The following C10orf90 variants were observed in gnomAD, a reference collection of about 807,000 sequenced individuals.
C10orf90 encodes (E2-independent) E3 ubiquitin-conjugating enzyme FATS.
In C10orf90, 56 loss-of-function variants were observed where a neutral mutation model predicts 62.5. The ratio of observed to expected loss-of-function variants is 0.90; its 90% confidence interval spans 0.72 to 1.12. C10orf90 has a LOEUF of 1.12. C10orf90 is among the 50% of genes most tolerant of loss of function. The pLI, the probability that C10orf90 is intolerant of heterozygous loss-of-function variation, is 0.00. For synonymous variants in C10orf90, 386 were observed against 340.4 expected, an observed-to-expected ratio of 1.13 and a Z score of -1.47; for missense variants, 970 against 880.4, an observed-to-expected ratio of 1.10 and a Z score of -1.29.
chr10:126,574,252 A>G (rs1268038551), intron 2 of C10orf90, among the ~76,000 whole-genome samples: 1 of 152,234 alleles, frequency 6.6e-6, no homozygotes, highest in Non-Finnish European at 1.5e-5. Flanking sequence ...GCAGAAATAT[A>G]TTGAGCACTC....
intron 2 of C10orf90, among the ~76,000 whole-genome samples, chr10:126,556,805 A>G (rs1408299574): frequency 6.6e-6 from 1 of 152,038 alleles, no homozygotes; most frequent in African/African-American, 2.4e-5. Flanking sequence ...GAGTTCCTGT[A>G]GACATCATGA....
intron 6 of C10orf90, 22 bp downstream of exon 6, chr10:126,461,379 C>G: frequency 6.2e-7 from 1 of 1,610,786 alleles, no homozygotes; most frequent in Non-Finnish European, 8.5e-7. Flanking sequence ...GGAATCAAGC[C>G]AGGACACACA....
intron 2 of C10orf90, among the ~76,000 whole-genome samples, chr10:126,536,324 C>T (rs1864235999): frequency 6.6e-6 from 1 of 152,160 alleles, no homozygotes; most frequent in African/African-American, 2.4e-5. Flanking sequence ...GATGACTCTC[C>T]CCACACTGCT....
intron 2 of C10orf90, among the ~76,000 whole-genome samples, chr10:126,619,682 G>A (rs1424472280): frequency 6.6e-6 from 1 of 151,940 alleles, no homozygotes; most frequent in Non-Finnish European, 1.5e-5. Flanking sequence ...CTCTGTCACC[G>A]AGTTTGGAGC....
chr10:126,428,771 G>C (rs1857403321), intron 8 of C10orf90, among the ~76,000 whole-genome samples: 1 of 152,190 alleles, frequency 6.6e-6, no homozygotes, highest in Non-Finnish European at 1.5e-5. Context: ...GTTCTGGCAT[G>C]AGGTATATGC....
At chr10:126,560,288 T>G (rs1179401987) in intron 2 of C10orf90, among the ~76,000 whole-genome samples, 1 of 152,190 alleles carries the variant, frequency 6.6e-6, no homozygotes, top group African/African-American at 2.4e-5. Context: ...AATTTCAGCA[T>G]TCACTTGCAA....
chr10:126,626,015 G>C lies in C10orf90; in HGVS notation c.313+20550C>G, dbSNP rs180671310. ...ATGGTGGCAGATGCCTGTAATCCCA[G>C]CTACTTGGGAGGCTGAGGCAGGAGA... is the stretch of plus-strand genomic sequence containing the variant. On this transcript the variant is annotated intron_variant, in intron 2 of 9. Transcript: ENST00000488181. Among the ~76,000 whole-genome samples the C allele has an allele frequency of 2.3e-4, 35 of 151,990 alleles. 1 individual carries two copies. Among genetic ancestry groups the C allele is most frequent in the African/African-American group, 8.4e-4 (35 of 41,462 alleles).
intron 2 of C10orf90, among the ~76,000 whole-genome samples, chr10:126,588,817 C>T (rs928756028): frequency 6.6e-6 from 1 of 152,190 alleles, no homozygotes; most frequent in South Asian, 2.1e-4. Flanking sequence ...TTGACTGCAA[C>T]ATCTCTCTAG....
At chr10:126,505,729 C>T (rs544814834) in intron 3 of C10orf90, among the ~76,000 whole-genome samples, 32 of 152,148 alleles carry the variant, frequency 2.1e-4, no homozygotes, top group African/African-American at 5.8e-4. Context: ...CTGAGATGGG[C>T]GGATCACCTG....
intron 2 of C10orf90, among the ~76,000 whole-genome samples, chr10:126,590,427 C>T (rs1205740589): frequency 6.6e-6 from 1 of 152,150 alleles, no homozygotes; most frequent in African/African-American, 2.4e-5. Context: ...TAAAACTGAT[C>T]ACTTAATTGG....
chr10:126,439,622 T>C (rs1029853710), intron 7 of C10orf90, among the ~76,000 whole-genome samples: 2 of 151,866 alleles, frequency 1.3e-5, no homozygotes, highest in Non-Finnish European at 2.9e-5. Flanking sequence ...ATTGAAATAA[T>C]TAAAAGGAAC....
intron 2 of C10orf90, among the ~76,000 whole-genome samples, chr10:126,595,665 C>T (rs72839060): frequency 0.023 from 3,433 of 152,186 alleles, 50 homozygotes; most frequent in Non-Finnish European, 0.034. Context: ...CCCGTTCCCC[C>T]ATCTTATAAC....
intron 4 of C10orf90, among the ~76,000 whole-genome samples, chr10:126,476,171 G>T (rs1031205928): frequency 1.2e-4 from 18 of 152,278 alleles, no homozygotes; most frequent in African/African-American, 3.6e-4. Context: ...CAGGATTCCC[G>T]TGGAAAAGGC....
intron 4 of C10orf90, among the ~76,000 whole-genome samples, chr10:126,484,692 T>G (rs1224517831): frequency 1.3e-5 from 2 of 152,140 alleles, no homozygotes; most frequent in Non-Finnish European, 2.9e-5. Context: ...GTTCATATCA[T>G]TTACCTAACA....
intron 2 of C10orf90, among the ~76,000 whole-genome samples, chr10:126,544,006 G>A (rs1446801990): frequency 1.3e-5 from 2 of 152,140 alleles, no homozygotes; most frequent in Non-Finnish European, 2.9e-5. Flanking sequence ...CTTCAGGGGT[G>A]GGTGATTCTC....
intron 2 of C10orf90, among the ~76,000 whole-genome samples, chr10:126,617,863 C>G (rs188839125): frequency 2.0e-5 from 3 of 152,118 alleles, no homozygotes; most frequent in African/African-American, 7.2e-5. Flanking sequence ...ATTATACAGT[C>G]GGAGAGAAAG....
At chr10:126,521,580 G>C in intron 2 of C10orf90, 1 of 714,972 alleles carries the variant, frequency 1.4e-6, no homozygotes, top group South Asian at 3.3e-5. Flanking sequence ...AGCAGCAATC[G>C]TCTCTTTGAT....
chr10:126,532,767 G>T (rs190088230), intron 2 of C10orf90, among the ~76,000 whole-genome samples: 4,172 of 133,584 alleles, frequency 0.031, 95 homozygotes, highest in Middle Eastern at 0.068. Flanking sequence ...AACCCGGGAG[G>T]CGGAGATTGC....
At chr10:126,626,540 C>G (rs549907878) in intron 2 of C10orf90, among the ~76,000 whole-genome samples, 18 of 152,162 alleles carry the variant, frequency 1.2e-4, no homozygotes, top group South Asian at 2.1e-4. Context: ...GATAATAAAA[C>G]CTTACCCTGG....
Sources: gnomAD v4.1 joint callset for allele counts (sites outside exome capture counted in the v4.1 genomes callset) on GRCh38, gnomAD v4.1.1 for gene constraint, MANE v1.5 for transcripts, NCBI Gene and HGNC (gene_info 2026-07-23, HGNC 2026-07-21) for gene names.